Variants in THUMPD2 observed in about 807,000 individuals in gnomAD.
The protein encoded by THUMPD2 is U6 snRNA (guanine-N(2))-methyltransferase THUMPD2.
In THUMPD2, 56 loss-of-function variants were observed where a neutral mutation model predicts 49.4. The ratio of observed to expected loss-of-function variants is 1.13; its 90% CI spans 0.91 to 1.41. The LOEUF is 1.41. Ranked by LOEUF, THUMPD2 falls within the 40% of genes most tolerant of loss-of-function variation. The pLI is 0.00. For synonymous variants in THUMPD2, 237 were observed against 205.2 expected, an observed-to-expected ratio of 1.15 and a Z score of -1.32; for missense variants, 709 against 594.5, an observed-to-expected ratio of 1.19 and a Z score of -2.00.
At chr2:39,768,329 C>T (rs1187634470) in intron 4 of THUMPD2, 95 bp downstream of exon 4, 5 of 1,053,802 alleles carry the variant, frequency 4.7e-6, no homozygotes, top group Non-Finnish European at 7.2e-6. Flanking sequence ...CTTTTTATAA[C>T]TGTAAAATAA....
At chr2:39,745,498 C>T (rs1674458718) in intron 8 of THUMPD2, among the ~76,000 whole-genome samples, 1 of 152,150 alleles carries the variant, frequency 6.6e-6, no homozygotes, top group South Asian at 2.1e-4. Flanking sequence ...TGATATAGTA[C>T]ACATCCATTT....
At chr2:39,779,041 C>T (rs1216596287) in intron 1 of THUMPD2, 73 bp downstream of exon 1, 2 of 1,363,226 alleles carry the variant, frequency 1.5e-6, no homozygotes, top group Non-Finnish European at 9.4e-7. Flanking sequence ...TTTCCCGCGT[C>T]CACGACTGGG....
chr2:39,744,618 T>TA, intron 8 of THUMPD2, 140 bp from the exon 9 acceptor site: 1 of 503,856 alleles, frequency 2.0e-6, no homozygotes, highest in Admixed American at 4.3e-5. Context: ...TTAAAGTAAT[T>TA]ACAAGATCCC....
Position 39,761,419 on chromosome 2 carries a change from C to G in THUMPD2, c.804-1G>C. 2 of 1,613,124 alleles carry G rather than the reference C, an allele frequency of 1.2e-6. No individual in the cohort carries two copies. Among genetic ancestry groups the G allele is most frequent in the Non-Finnish European group, 8.5e-7 (1 of 1,179,322 alleles). On this transcript the variant is annotated splice_acceptor_variant, in intron 5 of 9. Transcript: ENST00000505747. LOFTEE classifies it high-confidence loss of function. Reference sequence around the variant, plus strand: ...GTAAGCTCTGCTGGCTAGGGAAACCCTACAAAGGATAGAATCTGATTATAT... The same window carrying G: ...GTAAGCTCTGCTGGCTAGGGAAACCGTACAAAGGATAGAATCTGATTATAT...
chr2:39,773,765 A>G (rs569941218), intron 1 of THUMPD2, among the ~76,000 whole-genome samples: 10 of 152,022 alleles, frequency 6.6e-5, no homozygotes, highest in South Asian at 4.1e-4. Context: ...GTAAAATGCC[A>G]AATACATTCT....
chr2:39,770,438 G>A (rs1236425676), intron 2 of THUMPD2, among the ~76,000 whole-genome samples: 1 of 152,002 alleles, frequency 6.6e-6, no homozygotes, highest in African/African-American at 2.4e-5. Context: ...GACCTAGAGT[G>A]TTTATCAATC....
At chr2:39,762,113 G>A (rs772795183) in intron 5 of THUMPD2, among the ~76,000 whole-genome samples, 2 of 152,094 alleles carry the variant, frequency 1.3e-5, no homozygotes, top group South Asian at 4.1e-4. Flanking sequence ...CTAATGCAAT[G>A]AACAAGCAGA....
chr2:39,751,616 G>T (rs546860269), intron 8 of THUMPD2, among the ~76,000 whole-genome samples: 26 of 149,896 alleles, frequency 1.7e-4, no homozygotes, highest in African/African-American at 5.9e-4. Context: ...ATATTCATTT[G>T]ATTCTAAATT....
intron 9 of THUMPD2, among the ~76,000 whole-genome samples, chr2:39,738,634 T>C (rs1187122554): frequency 4.8e-5 from 4 of 83,880 alleles, no homozygotes; most frequent in African/African-American, 3.2e-4. Flanking sequence ...TATATTTACA[T>C]ATAAATACAT....
intron 9 of THUMPD2, among the ~76,000 whole-genome samples, chr2:39,740,941 G>A (rs1673810783): frequency 6.6e-6 from 1 of 151,946 alleles, no homozygotes; most frequent in Admixed American, 6.6e-5. Context: ...TGAATTCCTG[G>A]CCTCAAGTGA....
At chr2:39,750,489 C>T (rs758605115) in intron 8 of THUMPD2, among the ~76,000 whole-genome samples, 70 of 152,046 alleles carry the variant, frequency 4.6e-4, no homozygotes, top group Non-Finnish European at 2.4e-4. Context: ...GGTGGATTGC[C>T]TGAGCTCAGG....
chr2:39,755,365 T>C lies in THUMPD2; in HGVS notation c.1008A>G (p.Leu336=), dbSNP rs2148260792. 6.4e-7 allele frequency: 1 copy of C among 1,559,048 alleles called. No individual in the cohort carries two copies. The highest frequency in any genetic ancestry group is 1.4e-5 in the African/African-American group (1 of 70,418). Reference sequence around the variant, plus strand: ...CAGCTTTCAGATTGTCCCAAGTACCTAGTAACTGTGAGTCGCTGACATCAG... The same window carrying C: ...CAGCTTTCAGATTGTCCCAAGTACCCAGTAACTGTGAGTCGCTGACATCAG... ...VGADVSDSQL[L]GTWDNLKAAG... The change falls in exon 8 of 10, where the codon CTA becomes CTG. Residue 336 remains leucine (L), a synonymous_variant. Transcript: ENST00000505747.
chr2:39,773,030 T>C (rs933610677), intron 1 of THUMPD2, among the ~76,000 whole-genome samples: 10 of 152,070 alleles, frequency 6.6e-5, no homozygotes, highest in Non-Finnish European at 4.4e-5. Context: ...AATGACATTA[T>C]GGGAGGAAGC....
intron 5 of THUMPD2, among the ~76,000 whole-genome samples, chr2:39,765,194 CTG>C (rs1677348596): frequency 6.6e-6 from 1 of 152,172 alleles, no homozygotes; most frequent in Non-Finnish European, 1.5e-5. Flanking sequence ...GAGTCTCACT[CTG>C]TCACCCACGC....
In THUMPD2 at chr2:39,774,274, A is replaced by T. The variant is rs1036855366; in HGVS notation, c.127-2634T>A. Among the ~76,000 whole-genome samples, 3 of 152,236 alleles carry T rather than the reference A, an allele frequency of 2.0e-5. No individual in the cohort carries two copies. The East Asian group carries it at 5.8e-4, about 29-fold the overall frequency. ...TACTTGTTTTTATCAATCTTTCTTA[A>T]ATGTATGTATAGATTACATTTATTT... On this transcript the variant is annotated intron_variant, in intron 1 of 9. Coordinates refer to ENST00000505747, the MANE Select transcript of THUMPD2 (RefSeq NM_025264.5).
chr2:39,763,869 T>A (rs571663911), intron 5 of THUMPD2, among the ~76,000 whole-genome samples: 1 of 152,044 alleles, frequency 6.6e-6, no homozygotes, highest in African/African-American at 2.4e-5. Flanking sequence ...CCATCCCCCA[T>A]GTAAATCAAA....
chr2:39,748,400 CTGTGTA>C (rs370790338), intron 8 of THUMPD2, among the ~76,000 whole-genome samples: 102 of 152,250 alleles, frequency 6.7e-4, no homozygotes, highest in African/African-American at 2.4e-3. Flanking sequence ...TTCATCTGTT[CTGTGTA>C]TATTTTAAAA....
Position 39,744,415 on chromosome 2 carries a change from A to C in THUMPD2, c.1142T>G (p.Phe381Cys), listed in dbSNP as rs943226657. Residue 381 changes from phenylalanine (F) to cysteine (C), a missense_variant, in exon 9 of 10, where the codon TTT becomes TGT. Transcript: ENST00000505747. ...IISDIPFGKK[F>C]KLGKDIKSIL... ...GCTTTTGATGTCTTTTCCTAACTTA[A>C]ACTTTTTCCCAAATGGAATGTCAGA... The C allele has an allele frequency of 1.9e-6, 3 of 1,590,178 alleles. No homozygotes were observed. Among genetic ancestry groups the C allele is most frequent in the African/African-American group, 2.7e-5 (2 of 73,292 alleles).
chr2:39,759,807 C>G (rs2148285939), intron 6 of THUMPD2, among the ~76,000 whole-genome samples: 1 of 152,242 alleles, frequency 6.6e-6, no homozygotes, highest in Non-Finnish European at 1.5e-5. Context: ...TATACCCAGC[C>G]AAGATAGAGA....
Sources: gnomAD v4.1 joint callset for allele counts (sites outside exome capture counted in the v4.1 genomes callset) on GRCh38, gnomAD v4.1.1 for gene constraint, MANE v1.5 for transcripts, NCBI Gene and HGNC (gene_info 2026-07-23, HGNC 2026-07-21) for gene names.